Variants in FARP1 observed in about 807,000 individuals in gnomAD.
FARP1 encodes the protein FERM, ARH/RhoGEF and pleckstrin domain protein 1.
Under a neutral mutation model 128.8 loss-of-function variants are expected in FARP1, and 52 were observed. The observed-to-expected ratio is 0.40, with a 90% CI of 0.32 to 0.51. FARP1 has a LOEUF of 0.51. FARP1 is among the 20% of genes least tolerant of loss of function. The probability of loss-of-function intolerance (pLI) is 0.45; values close to 1 mark genes in which losing one functional copy is unlikely to be tolerated. For missense variants in FARP1, 1,333 were observed against 1,367.9 expected (o/e 0.97, Z 0.40); for synonymous variants, 580 against 551.8 (o/e 1.05, Z -0.72).
intron 3 of FARP1, among the ~76,000 whole-genome samples, chr13:98,356,371 T>C (rs774816615): frequency 1.3e-5 from 2 of 152,102 alleles, no homozygotes; most frequent in African/African-American, 2.4e-5. Flanking sequence ...ATTATAATGG[T>C]AAGTATTTGT....
In FARP1 at chr13:98,193,258, A is replaced by G. The variant is rs201692209; in HGVS notation, c.-23-19962A>G. 5.4e-4 allele frequency among the ~76,000 whole-genome samples: 82 copies of G among 152,278 alleles called. 4 individuals are homozygous for G. The East Asian group carries it at 0.016, about 29-fold the overall frequency. ...TTTTTAGTAGAGACAGGGTTTCACC[A>G]TATTGGCCAGACTGGTCTTGAACTC... On this transcript the variant is annotated intron_variant, in intron 1 of 26. Transcript: ENST00000319562.
intron 3 of FARP1, among the ~76,000 whole-genome samples, chr13:98,359,603 C>T (rs1295108846): frequency 6.6e-6 from 1 of 152,172 alleles, no homozygotes; most frequent in Admixed American, 6.5e-5. Context: ...ACTGCGTGTA[C>T]GATGGTGGTC....
At chr13:98,163,771 C>T (rs558292958) in intron 1 of FARP1, among the ~76,000 whole-genome samples, 13 of 151,168 alleles carry the variant, frequency 8.6e-5, no homozygotes, top group African/African-American at 2.4e-4. Flanking sequence ...TGCAGTGGCG[C>T]GATCTCAGCT....
At chr13:98,260,572 G>A (rs1160110535) in intron 2 of FARP1, among the ~76,000 whole-genome samples, 2 of 152,154 alleles carry the variant, frequency 1.3e-5, no homozygotes, top group Non-Finnish European at 2.9e-5. Flanking sequence ...CAAAACAATG[G>A]GGACAAATCC....
Position 98,360,555 on chromosome 13 carries a change from C to G in FARP1, c.277-4840C>G, listed in dbSNP as rs78057570. Among the ~76,000 whole-genome samples the G allele has an allele frequency of 1.8e-3, 278 of 152,282 alleles. 9 individuals carry two copies. In the East Asian group the frequency reaches 0.049, roughly 27 times the overall value. ...TGTCCAGAAGCCAGGGATGGGGGCT[C>G]TAGGAGAACCCACAGCTGCTGGCAC... On this transcript the variant is annotated intron_variant, in intron 3 of 26. Coordinates refer to ENST00000319562, the MANE Select transcript of FARP1 (RefSeq NM_005766.4).
chr13:98,178,504 T>G (rs1289558175), intron 1 of FARP1, among the ~76,000 whole-genome samples: 1 of 152,230 alleles, frequency 6.6e-6, no homozygotes, highest in Non-Finnish European at 1.5e-5. Context: ...CCTTCAAATA[T>G]TTTTAACCCT....
In FARP1 at chr13:98,176,630, C is replaced by T; in HGVS notation, c.-24+33138C>T. ...CAGCTGTCCCCGAAGCCACAGAAGCCAGTCTCCTTGTAGTCCTTGCAGATG... is the reference window on the plus strand; with the variant it reads ...CAGCTGTCCCCGAAGCCACAGAAGCTAGTCTCCTTGTAGTCCTTGCAGATG... On this transcript the variant is annotated intron_variant, in intron 1 of 26. Transcript: ENST00000319562. This position sits in a 1 kb window ranked among gnomAD's most constrained non-coding sequence, Gnocchi z 6.2. 6.2e-7 allele frequency: 1 copy of T among 1,614,244 alleles called. No homozygotes were observed. Among genetic ancestry groups the T allele is most frequent in the Non-Finnish European group, 8.5e-7 (1 of 1,180,040 alleles).
At position 98,265,311 on chromosome 13, in the gene FARP1, A is replaced by AT. The variant is rs60809416; in HGVS notation, c.171+51924dup. ...ACCCACCCACACCCCTCCTTCCTGA[A>AT]TTTTTTTTTTTTTTTTTTTTTTTTT... On this transcript the variant is annotated intron_variant, in intron 2 of 26. Coordinates refer to ENST00000319562, the MANE Select transcript of FARP1 (RefSeq NM_005766.4). Among the ~76,000 whole-genome samples the AT allele has an allele frequency of 7.0e-3, 424 of 60,254 alleles. 51 individuals are homozygous for AT. The Middle Eastern group carries it at 0.087, about 12-fold the overall frequency. 39.5% of individuals were successfully genotyped at this position (60,254 alleles called of 152,430 possible).
intron 1 of FARP1, among the ~76,000 whole-genome samples, chr13:98,199,247 G>A (rs1566731372): frequency 6.6e-6 from 1 of 151,972 alleles, no homozygotes; most frequent in Non-Finnish European, 1.5e-5. Context: ...TGATGTCTCA[G>A]TTCCTCAGTG....
chr13:98,409,527 T>C lies in FARP1; in HGVS notation c.1602+2T>C. The C allele has an allele frequency of 6.2e-7, 1 of 1,601,840 alleles. No homozygotes were observed. Among genetic ancestry groups the C allele is most frequent in the Non-Finnish European group, 8.5e-7 (1 of 1,172,060 alleles). ...GATGAGGATGAGGGCCGGAGGAAGG[T>C]ACAGGGCCGAGGGCTCAAGCGCGTG... is the stretch of plus-strand genomic sequence containing the variant. On this transcript the variant is annotated splice_donor_variant, in intron 14 of 26. Transcript: ENST00000319562. LOFTEE classifies it high-confidence loss of function.
At chr13:98,308,836 A>G (rs1051417854) in intron 2 of FARP1, among the ~76,000 whole-genome samples, 5 of 151,206 alleles carry the variant, frequency 3.3e-5, no homozygotes, top group Non-Finnish European at 7.4e-5. Flanking sequence ...TGCCTGGCTG[A>G]TTTTTTGTAT....
At chr13:98,336,630 C>T (rs1887756602) in intron 2 of FARP1, among the ~76,000 whole-genome samples, 1 of 152,254 alleles carries the variant, frequency 6.6e-6, no homozygotes, top group Admixed American at 6.5e-5. Flanking sequence ...TTTGTAATAG[C>T]TTGAAGCGCT....
intron 1 of FARP1, among the ~76,000 whole-genome samples, chr13:98,203,398 G>T (rs1243415187): frequency 6.6e-6 from 1 of 152,198 alleles, no homozygotes; most frequent in Admixed American, 6.5e-5. Flanking sequence ...GCCCTTTGCT[G>T]TTGATCGAGC....
intron 2 of FARP1, among the ~76,000 whole-genome samples, chr13:98,286,677 C>T (rs1011756070): frequency 5.3e-5 from 8 of 152,272 alleles, no homozygotes; most frequent in Middle Eastern, 3.4e-3. Flanking sequence ...TGAAAATGGA[C>T]TAAAACACCC....
chr13:98,290,332 G>A (rs1013066098), intron 2 of FARP1, among the ~76,000 whole-genome samples: 1 of 151,840 alleles, frequency 6.6e-6, no homozygotes, highest in African/African-American at 2.4e-5. Flanking sequence ...TGTCAGACAG[G>A]CCTCTCTGAA....
intron 2 of FARP1, among the ~76,000 whole-genome samples, chr13:98,271,698 G>A (rs1011780795): frequency 4.6e-5 from 7 of 152,186 alleles, no homozygotes; most frequent in African/African-American, 1.7e-4. Flanking sequence ...TGCTGAGAAT[G>A]ATGGTTTCCA....
intron 2 of FARP1, among the ~76,000 whole-genome samples, chr13:98,317,378 G>A: frequency 6.6e-6 from 1 of 152,172 alleles, no homozygotes; most frequent in Admixed American, 6.5e-5. Flanking sequence ...GCCTGCCTCA[G>A]CTTCCTGAGT....
intron 2 of FARP1, among the ~76,000 whole-genome samples, chr13:98,254,451 A>G (rs1395144321): frequency 6.6e-6 from 1 of 152,112 alleles, no homozygotes; most frequent in Admixed American, 6.6e-5. Flanking sequence ...AAATGATCAG[A>G]CAGTTTTGGG....
intron 1 of FARP1, among the ~76,000 whole-genome samples, chr13:98,210,458 C>T (rs1880609128): frequency 6.6e-6 from 1 of 152,108 alleles, no homozygotes; most frequent in South Asian, 2.1e-4. Flanking sequence ...GGGAGCATTC[C>T]AAAGCACACT....
Sources: gnomAD v4.1 joint callset for allele counts (sites outside exome capture counted in the v4.1 genomes callset) on GRCh38, gnomAD v4.1.1 for gene constraint, Gnocchi (gnomAD v3.1) non-coding constraint, MANE v1.5 for transcripts, NCBI Gene and HGNC (gene_info 2026-07-23, HGNC 2026-07-21) for gene names.